KIF13A: variants seen among roughly 807,000 people sequenced by gnomAD.
KIF13A encodes kinesin-like protein KIF13A.
A neutral mutation model predicts 212.2 loss-of-function variants in KIF13A; 79 were observed. The ratio of observed to expected loss-of-function variants is 0.37; its 90% CI spans 0.31 to 0.45. The LOEUF is 0.45. Among genes scored for constraint, KIF13A ranks in the 20% least tolerant of loss-of-function variants. The probability of loss-of-function intolerance (pLI) is 1.00; values close to 1 mark genes in which losing one functional copy is unlikely to be tolerated. For synonymous variants in KIF13A, 789 were observed against 808.6 expected, an observed-to-expected ratio of 0.98 and a Z score of 0.41; for missense variants, 1,901 against 2,209.0, an observed-to-expected ratio of 0.86 and a Z score of 2.79.
rs1411179330 is a variant in KIF13A at position 17,967,748 on chromosome 6, T to C, written c.146+19306A>G. On this transcript the variant is annotated intron_variant, in intron 2 of 38. Transcript: ENST00000259711. The surrounding 1 kb of genome is among the most constrained non-coding windows in gnomAD (Gnocchi z 4.1). ...GCCACTGAGCCATCTGCCTTCCTGC[T>C]CTGATTTCTGAACCAAGAAGGCTCA... is the stretch of plus-strand genomic sequence containing the variant. Among the ~76,000 whole-genome samples, 1 of 152,154 alleles carries C rather than the reference T, an allele frequency of 6.6e-6. No individual in the cohort carries two copies. The highest frequency in any genetic ancestry group is 2.4e-5 in the African/African-American group (1 of 41,428).
At chr6:17,824,584 C>T (rs1327467273) in intron 16 of KIF13A, among the ~76,000 whole-genome samples, 1 of 151,858 alleles carries the variant, frequency 6.6e-6, no homozygotes, top group East Asian at 2.0e-4. Context: ...CACGGTGAAA[C>T]CCCGTCTCTA....
chr6:17,787,009 T>C lies in KIF13A; in HGVS notation c.3361+767A>G, dbSNP rs1381675438. ...CTGCTAGCATAAGCAAACTGCACCC[T>C]TGGAGCTGAGTGGCAGTGAATAGAG... On this transcript the variant is annotated intron_variant, in intron 27 of 38. Coordinates refer to ENST00000259711, the MANE Select transcript of KIF13A (RefSeq NM_022113.6). The surrounding 1 kb of genome is among the most constrained non-coding windows in gnomAD (Gnocchi z 4.6). Among the ~76,000 whole-genome samples, 1 of 152,162 alleles carries C rather than the reference T, an allele frequency of 6.6e-6. No homozygotes were observed. The highest frequency in any genetic ancestry group is 1.5e-5 in the Non-Finnish European group (1 of 68,030).
intron 2 of KIF13A, among the ~76,000 whole-genome samples, chr6:17,937,022 A>G (rs1355323184): frequency 6.6e-6 from 1 of 152,128 alleles, no homozygotes; most frequent in Non-Finnish European, 1.5e-5. Context: ...CACAAAAAAT[A>G]CAAAAATTTG....
chr6:17,862,725 A>G (rs899970866), intron 4 of KIF13A, among the ~76,000 whole-genome samples: 9 of 152,096 alleles, frequency 5.9e-5, no homozygotes, highest in Middle Eastern at 3.2e-3. Context: ...AAGGTGGGTG[A>G]ATCACGAGGT....
intron 2 of KIF13A, among the ~76,000 whole-genome samples, chr6:17,966,119 G>A (rs1273135879): frequency 3.3e-5 from 5 of 152,258 alleles, no homozygotes; most frequent in South Asian, 2.1e-4. Context: ...GCTTGAACCC[G>A]GGAGGCAAAG....
intron 35 of KIF13A, among the ~76,000 whole-genome samples, chr6:17,774,356 G>A (rs1759752101): frequency 6.6e-6 from 1 of 152,100 alleles, no homozygotes; most frequent in African/African-American, 2.4e-5. Flanking sequence ...ATGCTATGGT[G>A]GATGTAACAC....
In KIF13A at chr6:17,914,283, T is replaced by G. The variant is rs1431322634; in HGVS notation, c.147-16103A>C. 6.6e-6 allele frequency among the ~76,000 whole-genome samples: 1 copy of G among 152,224 alleles called. No homozygotes were observed. The highest frequency in any genetic ancestry group is 1.5e-5 in the Non-Finnish European group (1 of 68,042). ...CCCTTGTTTTTCACTAAAAAAGTGATGCTCTCTCTTCTGAAAGTCTTTAAA... is the reference window on the plus strand; with the variant it reads ...CCCTTGTTTTTCACTAAAAAAGTGAGGCTCTCTCTTCTGAAAGTCTTTAAA... On this transcript the variant is annotated intron_variant, in intron 2 of 38. Transcript: ENST00000259711. The surrounding 1 kb of genome is among the most constrained non-coding windows in gnomAD (Gnocchi z 5.9).
chr6:17,834,076 A>G lies in KIF13A; in HGVS notation c.1156-5T>C. On this transcript the variant is annotated splice_region_variant and splice_polypyrimidine_tract_variant and intron_variant, in intron 11 of 38. Coordinates refer to ENST00000259711, the MANE Select transcript of KIF13A (RefSeq NM_022113.6). The surrounding 1 kb of genome is among the most constrained non-coding windows in gnomAD (Gnocchi z 4.0). Reference sequence around the variant, plus strand: ...CAGTTCAGGGGCCTTCATGGCCTTTAAAATGAAATCAGAGATATCTGATGT... The same window carrying G: ...CAGTTCAGGGGCCTTCATGGCCTTTGAAATGAAATCAGAGATATCTGATGT... 2 of 1,563,948 alleles carry G rather than the reference A, an allele frequency of 1.3e-6. No individual in the cohort carries two copies. The highest frequency in any genetic ancestry group is 1.7e-6 in the Non-Finnish European group (2 of 1,159,882).
chr6:17,799,887 T>G lies in KIF13A; in HGVS notation c.2616+65A>C. The G allele has an allele frequency of 6.4e-7, 1 of 1,551,808 alleles. No individual in the cohort carries two copies. Among genetic ancestry groups the G allele is most frequent in the South Asian group, 1.2e-5 (1 of 81,650 alleles). On this transcript the variant is annotated intron_variant, in intron 21 of 38. Transcript: ENST00000259711. This position sits in a 1 kb window ranked among gnomAD's most constrained non-coding sequence, Gnocchi z 4.4. Reference sequence around the variant, plus strand: ...CCTGGATGAAAAACTCTCATAAGATTTTTTGTAAAATGGTTTTGCATGAAA... The same window carrying G: ...CCTGGATGAAAAACTCTCATAAGATGTTTTGTAAAATGGTTTTGCATGAAA...
chr6:17,821,923 T>G, intron 16 of KIF13A: 3 of 1,534,894 alleles, frequency 2.0e-6, no homozygotes, highest in East Asian at 4.9e-5. Context: ...TAGAGGGGAA[T>G]CACAGTGAAC....
rs753440431 is a variant in KIF13A at position 17,794,223 on chromosome 6, T to C, written c.3222+26A>G. On this transcript the variant is annotated intron_variant, in intron 25 of 38. Transcript: ENST00000259711. The surrounding 1 kb of genome is among the most constrained non-coding windows in gnomAD (Gnocchi z 4.1). ...CCTGCATTAACCAAGCTTTGTTAAA[T>C]ACTATTTTAAGTCTGCTTGTCTTAC... 2.7e-5 allele frequency: 43 copies of C among 1,585,190 alleles called. No individual in the cohort carries two copies. The highest frequency in any genetic ancestry group is 3.5e-5 in the Non-Finnish European group (41 of 1,158,504).
chr6:17,862,926 C>T (rs1768968653), intron 4 of KIF13A, among the ~76,000 whole-genome samples: 1 of 152,054 alleles, frequency 6.6e-6, no homozygotes, highest in African/African-American at 2.4e-5. Flanking sequence ...CCAGCTCAGG[C>T]GACAGAGCGA....
chr6:17,802,937 T>TTTTTGTTTTG (rs1011741322), intron 20 of KIF13A, among the ~76,000 whole-genome samples: 2 of 138,234 alleles, frequency 1.4e-5, no homozygotes, highest in Non-Finnish European at 1.6e-5. Flanking sequence ...TTTTTGTTTT[T>TTTTTGTTTTG]TTTTGTTTTG....
In KIF13A at chr6:17,963,435, T is replaced by C. The variant is rs751290638; in HGVS notation, c.146+23619A>G. On this transcript the variant is annotated intron_variant, in intron 2 of 38. Coordinates refer to ENST00000259711, the MANE Select transcript of KIF13A (RefSeq NM_022113.6). This position sits in a 1 kb window ranked among gnomAD's most constrained non-coding sequence, Gnocchi z 4.1. ...CTCCAACTCAAAAAAAATAAATAAA[T>C]AAAAATAGAAGAGCATCATGTGAAG... Among the ~76,000 whole-genome samples, 13 of 151,846 alleles carry C rather than the reference T, an allele frequency of 8.6e-5. No individual in the cohort carries two copies. Among genetic ancestry groups the C allele is most frequent in the Non-Finnish European group, 1.5e-4 (10 of 67,952 alleles).
chr6:17,902,861 C>A (rs1773167337), intron 2 of KIF13A, among the ~76,000 whole-genome samples: 2 of 152,224 alleles, frequency 1.3e-5, no homozygotes, highest in African/African-American at 4.8e-5. Flanking sequence ...AATCCCTGTC[C>A]CCAATCCCAT....
intron 7 of KIF13A, among the ~76,000 whole-genome samples, chr6:17,851,345 T>C (rs1328453084): frequency 1.3e-5 from 2 of 152,168 alleles, no homozygotes; most frequent in Non-Finnish European, 2.9e-5. Context: ...CAGCACAAAG[T>C]AAGTGCAGGG....
At chr6:17,793,419 G>A (rs1015738546) in intron 25 of KIF13A, among the ~76,000 whole-genome samples, 14 of 151,976 alleles carry the variant, frequency 9.2e-5, no homozygotes, top group Admixed American at 9.2e-4. Flanking sequence ...ATGGAGTACT[G>A]AATAGTTCTG....
In KIF13A at chr6:17,898,350, C is replaced by G. The variant is rs1410551444; in HGVS notation, c.147-170G>C. Among the ~76,000 whole-genome samples the G allele has an allele frequency of 6.6e-6, 1 of 152,176 alleles. No individual in the cohort carries two copies. Among genetic ancestry groups the G allele is most frequent in the Non-Finnish European group, 1.5e-5 (1 of 68,034 alleles). On this transcript the variant is annotated intron_variant, in intron 2 of 38. Transcript: ENST00000259711. The surrounding 1 kb of genome is among the most constrained non-coding windows in gnomAD (Gnocchi z 5.2). ...ATGAAGATCAGAAGCCAAATTCAAACACATTACTGAATGAAGTGATAAACT... is the reference window on the plus strand; with the variant it reads ...ATGAAGATCAGAAGCCAAATTCAAAGACATTACTGAATGAAGTGATAAACT...
chr6:17,951,020 T>A lies in KIF13A; in HGVS notation c.146+36034A>T. 1 of 1,000,268 alleles carries A rather than the reference T, an allele frequency of 1.0e-6. No individual in the cohort carries two copies. The highest frequency in any genetic ancestry group is 1.2e-6 in the Non-Finnish European group (1 of 836,722). 62.0% of individuals were successfully genotyped at this position (1,000,268 alleles called of 1,614,324 possible). On this transcript the variant is annotated intron_variant, in intron 2 of 38. Coordinates refer to ENST00000259711, the MANE Select transcript of KIF13A (RefSeq NM_022113.6). The surrounding 1 kb of genome is among the most constrained non-coding windows in gnomAD (Gnocchi z 4.9). ...ACACTATTGAACATAAATGACTAAA[T>A]ATATGGGCTATCACAAACCCACTTT...
Sources: gnomAD v4.1 joint callset for allele counts (sites outside exome capture counted in the v4.1 genomes callset) on GRCh38, gnomAD v4.1.1 for gene constraint, Gnocchi (gnomAD v3.1) non-coding constraint, MANE v1.5 for transcripts, NCBI Gene and HGNC (gene_info 2026-07-23, HGNC 2026-07-21) for gene names.